Variants in ATP8B4 observed in about 807,000 individuals in gnomAD.
ATP8B4 encodes the protein probable phospholipid-transporting ATPase IM.
ATP8B4 carries 133 observed loss-of-function variants against 145.6 expected under a neutral mutation model. The ratio of observed to expected loss-of-function variants is 0.91; its 90% CI spans 0.79 to 1.05. The LOEUF is 1.05. Among genes scored for constraint, ATP8B4 ranks in the 50% least tolerant of loss-of-function variants. ATP8B4 has a pLI of 0.00. For missense variants in ATP8B4, 1,458 were observed against 1,425.2 expected (o/e 1.02, Z -0.37); for synonymous variants, 507 against 492.9 (o/e 1.03, Z -0.38).
At chr15:50,136,775 G>A (rs8037555) in intron 1 of ATP8B4, among the ~76,000 whole-genome samples, 49,104 of 151,904 alleles carry the variant, frequency 0.32, 9,238 homozygotes, top group Middle Eastern at 0.49. Context: ...GCTCTGCCAC[G>A]CAGCAGCTGA....
chr15:50,033,591 C>T (rs1266872339), intron 6 of ATP8B4, among the ~76,000 whole-genome samples: 1 of 152,154 alleles, frequency 6.6e-6, no homozygotes, highest in Non-Finnish European at 1.5e-5. Flanking sequence ...TCAGGGGATA[C>T]ATGTGCAGGA....
At chr15:49,874,257 G>C (rs2034064290) in intron 25 of ATP8B4, among the ~76,000 whole-genome samples, 1 of 152,166 alleles carries the variant, frequency 6.6e-6, no homozygotes, top group Non-Finnish European at 1.5e-5. Flanking sequence ...TAAAATAATT[G>C]ATTTCTATTC....
At chr15:49,904,168 A>G (rs1435725964) in intron 20 of ATP8B4, among the ~76,000 whole-genome samples, 1 of 152,172 alleles carries the variant, frequency 6.6e-6, no homozygotes, top group Non-Finnish European at 1.5e-5. Flanking sequence ...TTACACATAG[A>G]GTCAGCCACA....
chr15:49,943,965 T>C (rs1021240952), intron 14 of ATP8B4, among the ~76,000 whole-genome samples: 1 of 152,202 alleles, frequency 6.6e-6, no homozygotes, highest in African/African-American at 2.4e-5. Flanking sequence ...TTTAAAAGTA[T>C]AGCATTTTTG....
chr15:49,880,263 T>A (rs1057290789), intron 23 of ATP8B4: 2 of 152,058 alleles, frequency 1.3e-5, no homozygotes, highest in African/African-American at 4.8e-5. Flanking sequence ...CACTGAGAAG[T>A]GAATTTGAGA....
At chr15:49,931,029 C>T in intron 16 of ATP8B4, 90 bp downstream of exon 16, 3 of 1,385,458 alleles carry the variant, frequency 2.2e-6, no homozygotes, top group Non-Finnish European at 3.0e-6. Flanking sequence ...TCACAACCCT[C>T]AGCACATAGC....
chr15:49,878,717 A>T (rs895042971), intron 24 of ATP8B4, among the ~76,000 whole-genome samples: 1 of 152,160 alleles, frequency 6.6e-6, no homozygotes, highest in Non-Finnish European at 1.5e-5. Flanking sequence ...CCACTCAAGC[A>T]CATTGATGCT....
At chr15:50,141,044 T>C (rs2414025) in intron 1 of ATP8B4, among the ~76,000 whole-genome samples, 34,863 of 151,974 alleles carry the variant, frequency 0.23, 4,599 homozygotes, top group East Asian at 0.43. Context: ...CCCACCCCAA[T>C]ATCTGTGACT....
chr15:50,156,849 G>C (rs1274913997), intron 1 of ATP8B4, among the ~76,000 whole-genome samples: 1 of 152,212 alleles, frequency 6.6e-6, no homozygotes, highest in Non-Finnish European at 1.5e-5. Context: ...AATCCTGTCA[G>C]AGAATATCAG....
intron 6 of ATP8B4, among the ~76,000 whole-genome samples, chr15:50,022,925 G>A (rs2049694602): frequency 2.0e-5 from 3 of 152,270 alleles, no homozygotes; most frequent in Admixed American, 2.0e-4. Flanking sequence ...AAACCCCAAA[G>A]TCTCTAGGTT....
intron 1 of ATP8B4, among the ~76,000 whole-genome samples, chr15:50,115,201 G>C (rs565647625): frequency 1.3e-5 from 2 of 152,196 alleles, no homozygotes; most frequent in South Asian, 4.1e-4. Flanking sequence ...GCCAGGCATG[G>C]TGGCTCATGC....
At chr15:50,077,265 G>C (rs1012777985) in intron 2 of ATP8B4, among the ~76,000 whole-genome samples, 1 of 152,226 alleles carries the variant, frequency 6.6e-6, no homozygotes, top group Admixed American at 6.5e-5. Context: ...AGAGCTTCTG[G>C]TTTAAGATAG....
intron 20 of ATP8B4, among the ~76,000 whole-genome samples, chr15:49,910,486 A>C (rs1015169146): frequency 6.6e-6 from 1 of 152,196 alleles, no homozygotes; most frequent in Non-Finnish European, 1.5e-5. Context: ...ATTGAAATAC[A>C]GGAGGCCCAG....
chr15:50,148,207 G>A (rs749119900), intron 1 of ATP8B4, among the ~76,000 whole-genome samples: 1 of 149,812 alleles, frequency 6.7e-6, no homozygotes, highest in African/African-American at 2.5e-5. Context: ...ACAAAATACT[G>A]GCCTGGACTC....
At chr15:50,041,865 G>A (rs894731937) in intron 5 of ATP8B4, among the ~76,000 whole-genome samples, 6 of 151,336 alleles carry the variant, frequency 4.0e-5, no homozygotes, top group East Asian at 1.9e-4. Context: ...TCTTGAACCC[G>A]GGAGGCGGAG....
intron 1 of ATP8B4, among the ~76,000 whole-genome samples, chr15:50,162,614 C>G (rs1489602591): frequency 4.6e-5 from 7 of 152,118 alleles, no homozygotes; most frequent in African/African-American, 1.7e-4. Context: ...TCACGCCATT[C>G]TCCTGCCTCA....
chr15:49,931,428 C>T (rs938195711), intron 15 of ATP8B4, 121 bp from the exon 16 acceptor site: 2 of 955,140 alleles, frequency 2.1e-6, no homozygotes, highest in East Asian at 2.6e-5. Flanking sequence ...AAAATCTTTC[C>T]TGTCCTCAGA....
chr15:49,975,180 T>C (rs1486086997), intron 12 of ATP8B4, among the ~76,000 whole-genome samples: 1 of 152,204 alleles, frequency 6.6e-6, no homozygotes, highest in Non-Finnish European at 1.5e-5. Context: ...TGATATTTTA[T>C]AAACTTAAAT....
At chr15:50,152,500 A>G (rs2044360751) in intron 1 of ATP8B4, among the ~76,000 whole-genome samples, 1 of 152,166 alleles carries the variant, frequency 6.6e-6, no homozygotes, top group African/African-American at 2.4e-5. Context: ...TAATTTGACA[A>G]TTAAGCCTAA....
Sources: gnomAD v4.1 joint callset for allele counts (sites outside exome capture counted in the v4.1 genomes callset) on GRCh38, gnomAD v4.1.1 for gene constraint, MANE v1.5 for transcripts, NCBI Gene and HGNC (gene_info 2026-07-23, HGNC 2026-07-21) for gene names.